Variants in RNF130 observed in about 807,000 individuals in gnomAD.
RNF130 encodes ring finger protein 130, also known as E3 ubiquitin-protein ligase RNF130.
Under a neutral mutation model 44.6 loss-of-function variants are expected in RNF130, and 21 were observed. The observed-to-expected ratio is 0.47, with a 90% CI of 0.33 to 0.68. The LOEUF is 0.68. Among genes scored for constraint, RNF130 ranks in the 30% least tolerant of loss-of-function variants. The probability of loss-of-function intolerance (pLI) is 0.02; values close to 1 mark genes in which losing one functional copy is unlikely to be tolerated. For synonymous variants in RNF130, 214 were observed against 210.4 expected (o/e 1.02, Z -0.15); for missense variants, 479 against 560.6 (o/e 0.85, Z 1.47).
intron 1 of RNF130, among the ~76,000 whole-genome samples, chr5:180,057,202 G>T (rs1401874033): frequency 6.6e-6 from 1 of 152,178 alleles, no homozygotes; most frequent in African/African-American, 2.4e-5. Context: ...CTCTGGGGAG[G>T]GGCAAGGGGC....
intron 1 of RNF130, among the ~76,000 whole-genome samples, chr5:180,064,814 T>C (rs955288610): frequency 6.6e-6 from 1 of 152,214 alleles, no homozygotes; most frequent in Non-Finnish European, 1.5e-5. Context: ...TTCCATGCTT[T>C]AACTACAGAT....
intron 7 of RNF130, chr5:179,939,952 CTTT>C: frequency 1.6e-5 from 3 of 191,228 alleles, no homozygotes; most frequent in South Asian, 1.8e-4. Context: ...ATAAACGTCC[CTTT>C]TTTTTTTTTC....
At chr5:180,057,361 C>T (rs914615698) in intron 1 of RNF130, among the ~76,000 whole-genome samples, 2 of 152,186 alleles carry the variant, frequency 1.3e-5, no homozygotes, top group Non-Finnish European at 2.9e-5. Context: ...CCAGCCTGGC[C>T]AACATGGTGA....
chr5:179,933,743 G>A (rs531914889), intron 7 of RNF130: 75 of 394,926 alleles, frequency 1.9e-4, no homozygotes, highest in South Asian at 1.4e-3. Context: ...GGCTGGTCTC[G>A]AACTCTTAGG....
intron 3 of RNF130, among the ~76,000 whole-genome samples, chr5:179,995,970 A>C (rs537026399): frequency 1.1e-4 from 16 of 152,310 alleles, no homozygotes; most frequent in African/African-American, 3.6e-4. Context: ...AAAAACCCAT[A>C]CAAAGATTGT....
chr5:180,024,983 C>G (rs116740406), intron 2 of RNF130, among the ~76,000 whole-genome samples: 1,589 of 152,288 alleles, frequency 0.01, 12 homozygotes, highest in Non-Finnish European at 0.014. Flanking sequence ...CAGGTCCACA[C>G]CTGGGAGGTG....
chr5:180,016,704 T>C (rs1045219930), intron 2 of RNF130, among the ~76,000 whole-genome samples: 1 of 152,246 alleles, frequency 6.6e-6, no homozygotes, highest in African/African-American at 2.4e-5. Context: ...TAAACAATTC[T>C]ATTCTTTCCA....
intron 7 of RNF130, among the ~76,000 whole-genome samples, chr5:179,940,426 GGCCAGGCTGGTCTCTTTT>G (rs2113682288): frequency 6.6e-6 from 1 of 151,874 alleles, no homozygotes; most frequent in South Asian, 2.1e-4. Context: ...TCACCATGTT[GGCCAGGCTGGTCTCTTTT>G]GCCAGGCTGG....
chr5:179,980,248 A>C (rs778344074), intron 3 of RNF130, 48 bp from the exon 4 acceptor site: 2 of 1,523,874 alleles, frequency 1.3e-6, no homozygotes, highest in Non-Finnish European at 1.8e-6. Flanking sequence ...AGATCTCTGA[A>C]TGACGTACTT....
intron 7 of RNF130, among the ~76,000 whole-genome samples, chr5:179,949,587 C>A (rs1035048087): frequency 6.6e-6 from 1 of 152,084 alleles, no homozygotes; most frequent in African/African-American, 2.4e-5. Flanking sequence ...CTCTGAAATA[C>A]CAGATTAAAT....
chr5:179,956,098 T>C (rs1029966431), intron 8 of RNF130: 5 of 156,434 alleles, frequency 3.2e-5, no homozygotes, highest in African/African-American at 1.2e-4. Context: ...TGTATGGCTG[T>C]CTCACAGGAA....
At chr5:180,003,039 T>A (rs1339682944) in intron 3 of RNF130, among the ~76,000 whole-genome samples, 1 of 152,120 alleles carries the variant, frequency 6.6e-6, no homozygotes, top group Non-Finnish European at 1.5e-5. Flanking sequence ...CTGATGCTAT[T>A]TGAGGCTTGG....
At chr5:179,989,908 T>C (rs79135377) in intron 3 of RNF130, among the ~76,000 whole-genome samples, 1 of 152,188 alleles carries the variant, frequency 6.6e-6, no homozygotes, top group African/African-American at 2.4e-5. Flanking sequence ...TATACTTTCA[T>C]GTGTTTTTAT....
chr5:180,037,944 C>T (rs1764286255), intron 2 of RNF130, among the ~76,000 whole-genome samples: 1 of 152,148 alleles, frequency 6.6e-6, no homozygotes, highest in South Asian at 2.1e-4. Flanking sequence ...TATACCCCTG[C>T]ATTTCTTTAA....
At chr5:179,929,352 T>C (rs10479551) in intron 7 of RNF130, among the ~76,000 whole-genome samples, 4,504 of 152,328 alleles carry the variant, frequency 0.03, 211 homozygotes, top group African/African-American at 0.1. Flanking sequence ...TCTTAATTAC[T>C]GTGGCTTTGT....
intron 7 of RNF130, chr5:179,933,677 A>C (rs1189803356): frequency 1.2e-5 from 4 of 322,708 alleles, no homozygotes; most frequent in Non-Finnish European, 1.8e-5. Context: ...ACGCTCCACC[A>C]TGCCGGGCTA....
At chr5:180,023,730 TAATA>T (rs1278455468) in intron 2 of RNF130, among the ~76,000 whole-genome samples, 3 of 152,048 alleles carry the variant, frequency 2.0e-5, no homozygotes, top group Non-Finnish European at 1.5e-5. Context: ...CTGAATAAAT[TAATA>T]AATGGAGCAG....
intron 2 of RNF130, among the ~76,000 whole-genome samples, chr5:180,014,334 A>C (rs551175757): frequency 6.6e-6 from 1 of 152,304 alleles, no homozygotes; most frequent in African/African-American, 2.4e-5. Flanking sequence ...ACTTCTATCA[A>C]TCTATCAGCG....
intron 5 of RNF130, among the ~76,000 whole-genome samples, chr5:179,971,371 T>C (rs1418030676): frequency 5.3e-5 from 8 of 152,168 alleles, no homozygotes; most frequent in South Asian, 2.1e-4. Context: ...AAAAGAAATT[T>C]TTGTTTGTTT....
Sources: gnomAD v4.1 joint callset for allele counts (sites outside exome capture counted in the v4.1 genomes callset) on GRCh38, gnomAD v4.1.1 for gene constraint, MANE v1.5 for transcripts, NCBI Gene and HGNC (gene_info 2026-07-23, HGNC 2026-07-21) for gene names.